The following KIAA1328 variants were observed in gnomAD, a reference collection of about 807,000 sequenced individuals.
The protein encoded by KIAA1328 is protein hinderin.
In KIAA1328, 52 loss-of-function variants were observed where a neutral mutation model predicts 68.1. That is an observed-to-expected ratio of 0.76 (90% confidence interval 0.61 to 0.96). The LOEUF (loss-of-function observed/expected upper bound fraction) is 0.96. Ranked by LOEUF, KIAA1328 falls within the 40% of genes least tolerant of loss-of-function variation. The probability of loss-of-function intolerance (pLI) is 0.00; values close to 1 mark genes in which losing one functional copy is unlikely to be tolerated. For missense variants in KIAA1328, 641 were observed against 677.6 expected (o/e 0.95, Z 0.60); for synonymous variants, 232 against 239.4 (o/e 0.97, Z 0.28).
intron 6 of KIAA1328, among the ~76,000 whole-genome samples, chr18:37,037,030 G>T (rs1203928011): frequency 1.3e-5 from 2 of 152,086 alleles, no homozygotes; most frequent in African/African-American, 4.8e-5. Context: ...TAGCAGTAAA[G>T]AAAGCAACAT....
chr18:37,217,236 G>A (rs989318779), intron 9 of KIAA1328, among the ~76,000 whole-genome samples: 4 of 151,934 alleles, frequency 2.6e-5, no homozygotes, highest in Admixed American at 6.6e-5. Context: ...TATTTTGCTC[G>A]TAGTTGATGC....
At chr18:37,147,346 A>AT (rs903603299) in intron 7 of KIAA1328, among the ~76,000 whole-genome samples, 34 of 151,118 alleles carry the variant, frequency 2.2e-4, no homozygotes, top group South Asian at 6.3e-4. Context: ...TAATTGATTG[A>AT]TTTTTTTTTC....
intron 5 of KIAA1328, chr18:36,921,260 T>G (rs897213472): frequency 1.3e-5 from 2 of 152,134 alleles, no homozygotes; most frequent in African/African-American, 4.8e-5. Context: ...TTTTTTTTTT[T>G]TGTAGGTCAG....
At chr18:37,216,985 T>C (rs1053643678) in intron 9 of KIAA1328, among the ~76,000 whole-genome samples, 1 of 132,874 alleles carries the variant, frequency 7.5e-6, no homozygotes, top group African/African-American at 3.2e-5. Context: ...TTTTGTTTTT[T>C]TTTTGTTTGT....
chr18:37,059,762 C>G (rs1022042322), intron 6 of KIAA1328, among the ~76,000 whole-genome samples: 4 of 152,122 alleles, frequency 2.6e-5, no homozygotes, highest in African/African-American at 9.7e-5. Flanking sequence ...TGGCACTATT[C>G]ACAATAGCAA....
chr18:37,045,149 T>C (rs1436879750), intron 6 of KIAA1328, among the ~76,000 whole-genome samples: 1 of 152,112 alleles, frequency 6.6e-6, no homozygotes, highest in Non-Finnish European at 1.5e-5. Flanking sequence ...GAAATAGAGG[T>C]CTTTTGAGGT....
intron 6 of KIAA1328, among the ~76,000 whole-genome samples, chr18:36,972,035 T>G (rs2052240844): frequency 1.3e-5 from 2 of 152,342 alleles, no homozygotes; most frequent in South Asian, 4.1e-4. Flanking sequence ...ATACATGCAG[T>G]ATTCATGACA....
At chr18:37,033,239 A>G (rs1201234105) in intron 6 of KIAA1328, among the ~76,000 whole-genome samples, 2 of 152,126 alleles carry the variant, frequency 1.3e-5, no homozygotes, top group Non-Finnish European at 2.9e-5. Flanking sequence ...TGCTAATTCT[A>G]TCATTTGTCA....
At chr18:37,193,366 G>A (rs551166028) in intron 9 of KIAA1328, among the ~76,000 whole-genome samples, 106 of 152,228 alleles carry the variant, frequency 7.0e-4, no homozygotes, top group Middle Eastern at 3.4e-3. Context: ...CATAATGTGT[G>A]ATTATTCATA....
chr18:37,072,328 A>T (rs181882819), intron 7 of KIAA1328, among the ~76,000 whole-genome samples: 2 of 151,808 alleles, frequency 1.3e-5, no homozygotes, highest in African/African-American at 4.8e-5. Flanking sequence ...CACTTGACAA[A>T]TGTGGCATTT....
intron 8 of KIAA1328, among the ~76,000 whole-genome samples, chr18:37,163,661 C>T (rs1215018595): frequency 6.6e-6 from 1 of 152,080 alleles, no homozygotes; most frequent in Non-Finnish European, 1.5e-5. Context: ...GATGTGAGTA[C>T]TCTTCATAAC....
intron 7 of KIAA1328, among the ~76,000 whole-genome samples, chr18:37,145,096 A>T (rs540097057): frequency 6.6e-6 from 1 of 152,088 alleles, no homozygotes; most frequent in Non-Finnish European, 1.5e-5. Context: ...GTAGCCAGGC[A>T]TGATGGTACA....
At chr18:37,153,526 C>T (rs1331181245) in intron 7 of KIAA1328, among the ~76,000 whole-genome samples, 2 of 150,262 alleles carry the variant, frequency 1.3e-5, no homozygotes, top group Non-Finnish European at 3.0e-5. Context: ...GTTTTTCCCT[C>T]TATATATACC....
chr18:36,949,115 C>CTTT (rs1404969261), intron 5 of KIAA1328, among the ~76,000 whole-genome samples: 3 of 152,166 alleles, frequency 2.0e-5, no homozygotes, highest in Admixed American at 6.5e-5. Context: ...ATGATGGCAG[C>CTTT]TTTTTTTCTT....
intron 6 of KIAA1328, among the ~76,000 whole-genome samples, chr18:37,026,457 C>T (rs1036641279): frequency 5.3e-5 from 8 of 152,158 alleles, no homozygotes; most frequent in Non-Finnish European, 8.8e-5. Flanking sequence ...TGATGAACAT[C>T]GATGCAAAAA....
intron 5 of KIAA1328, among the ~76,000 whole-genome samples, chr18:36,914,556 C>G (rs1029079308): frequency 2.0e-5 from 3 of 152,000 alleles, no homozygotes; most frequent in Non-Finnish European, 4.4e-5. Context: ...CCCATCTCTA[C>G]TAAAAATACA....
intron 9 of KIAA1328, among the ~76,000 whole-genome samples, chr18:37,195,776 G>A (rs1214270256): frequency 6.6e-6 from 1 of 152,086 alleles, no homozygotes; most frequent in African/African-American, 2.4e-5. Flanking sequence ...GCTTTCTTTA[G>A]CTATTTGGGA....
chr18:36,966,420 T>A (rs981596035), intron 6 of KIAA1328, among the ~76,000 whole-genome samples: 1 of 152,140 alleles, frequency 6.6e-6, no homozygotes, highest in African/African-American at 2.4e-5. Flanking sequence ...TTACAAGATA[T>A]AAAGATCGTG....
Position 37,149,585 on chromosome 18 carries a change from A to G in KIAA1328, c.1233-10615A>G, listed in dbSNP as rs1432377411. ...TAATTAGAGCATATTACTGTACTGAATACTCTAGGCAGTTGTAACACTATG... is the reference window on the plus strand; with the variant it reads ...TAATTAGAGCATATTACTGTACTGAGTACTCTAGGCAGTTGTAACACTATG... On this transcript the variant is annotated intron_variant, in intron 7 of 9. Transcript: ENST00000280020. Among the ~76,000 whole-genome samples the G allele has an allele frequency of 2.6e-5, 4 of 152,200 alleles. No homozygotes were observed. In the East Asian group the frequency reaches 7.7e-4, roughly 29 times the overall value.
Sources: allele counts gnomAD v4.1 joint callset (sites outside exome capture counted in the v4.1 genomes callset), GRCh38; gene constraint gnomAD v4.1.1; transcripts MANE v1.5; gene names NCBI Gene and HGNC (gene_info 2026-07-23, HGNC 2026-07-21).